CPNE8: variants seen among roughly 807,000 people sequenced by gnomAD.
CPNE8 encodes copine-8.
Under a neutral mutation model 81.5 loss-of-function variants are expected in CPNE8, and 45 were observed. That is an observed-to-expected ratio of 0.55 (90% CI 0.44 to 0.71). The LOEUF (loss-of-function observed/expected upper bound fraction) is 0.71, where lower values mean the gene tolerates loss of function less well. CPNE8 is among the 30% of genes least tolerant of loss of function. CPNE8 has a pLI of 0.00. For synonymous variants in CPNE8, 252 were observed against 226.3 expected (o/e 1.11, Z -1.02); for missense variants, 594 against 672.1 (o/e 0.88, Z 1.28).
chr12:38,905,809 G>A (rs774925967), upstream of CPNE8: 84 of 985,242 alleles, frequency 8.5e-5, no homozygotes, highest in Non-Finnish European at 9.8e-5. Context: ...GCAGCAGCCC[G>A]GGCGGGGGAC....
At position 38,653,924 on chromosome 12, in the gene CPNE8, G is replaced by C. The variant is rs143712670; in HGVS notation, c.1653C>G (p.Pro551=). The C allele has an allele frequency of 4.2e-4, 670 of 1,613,568 alleles. 3 individuals are homozygous for C. The highest frequency in any genetic ancestry group is 2.2e-3 in the Middle Eastern group (13 of 5,788). ...ACACATGTGTAGGTGGGGTGTATGG[G>C]GGAGGCGCAGGTGATGGCTTGATTC... The part of the protein sequence containing the change: ...ARGIKPSPAP[P]PYTPPTHVLQ... The change falls in exon 20 of 20, where the codon CCC becomes CCG. Residue 551 remains proline (P), a synonymous_variant. Coordinates refer to ENST00000331366, the MANE Select transcript of CPNE8 (RefSeq NM_153634.3).
At chr12:38,848,712 T>C in intron 3 of CPNE8, 50 bp from the exon 4 acceptor site, 1 of 1,529,038 alleles carries the variant, frequency 6.5e-7, no homozygotes, top group Admixed American at 2.3e-5. Flanking sequence ...CGGCTACTTA[T>C]TACAAGTATA....
intron 3 of CPNE8, among the ~76,000 whole-genome samples, chr12:38,864,177 A>G (rs1943883641): frequency 6.6e-6 from 1 of 152,188 alleles, no homozygotes; most frequent in Non-Finnish European, 1.5e-5. Context: ...GACAGATTCT[A>G]AAATTTCTGT....
At chr12:38,686,741 C>A (rs1279934426) in intron 15 of CPNE8, among the ~76,000 whole-genome samples, 1 of 152,168 alleles carries the variant, frequency 6.6e-6, no homozygotes. Flanking sequence ...CAAAAAGGCT[C>A]ACTTACATGG....
chr12:38,794,503 A>G (rs1942407491), intron 6 of CPNE8, among the ~76,000 whole-genome samples: 1 of 152,176 alleles, frequency 6.6e-6, no homozygotes, highest in Non-Finnish European at 1.5e-5. Context: ...GCACTTCAGT[A>G]AGCATTTTTC....
intron 10 of CPNE8, among the ~76,000 whole-genome samples, chr12:38,738,564 T>A (rs1455241911): frequency 1.3e-5 from 2 of 152,204 alleles, no homozygotes; most frequent in Non-Finnish European, 2.9e-5. Context: ...AAGACCATCC[T>A]ACCACTTTAG....
intron 4 of CPNE8, among the ~76,000 whole-genome samples, chr12:38,841,135 T>C (rs558517835): frequency 6.6e-6 from 1 of 152,266 alleles, no homozygotes; most frequent in East Asian, 1.9e-4. Context: ...CAAAGAATGT[T>C]TACCATAAAC....
chr12:38,829,771 C>T (rs541472470), intron 5 of CPNE8, among the ~76,000 whole-genome samples: 9 of 152,224 alleles, frequency 5.9e-5, no homozygotes, highest in Admixed American at 3.3e-4. Flanking sequence ...GGCTTAACTT[C>T]GGATGCCTCT....
At chr12:38,823,700 C>T (rs1020720814) in intron 6 of CPNE8, among the ~76,000 whole-genome samples, 7 of 152,062 alleles carry the variant, frequency 4.6e-5, no homozygotes, top group African/African-American at 1.7e-4. Context: ...ACAAATAGGC[C>T]TATTACTTGA....
At chr12:38,747,280 G>A (rs755961965) in intron 10 of CPNE8, among the ~76,000 whole-genome samples, 5 of 152,088 alleles carry the variant, frequency 3.3e-5, no homozygotes, top group Non-Finnish European at 7.4e-5. Flanking sequence ...ACACACAGGT[G>A]AAGTCTCTGC....
intron 3 of CPNE8, among the ~76,000 whole-genome samples, chr12:38,857,117 A>G (rs1041311207): frequency 1.3e-5 from 2 of 152,116 alleles, no homozygotes; most frequent in African/African-American, 2.4e-5. Context: ...ACAACCTTCA[A>G]ACTTTTCCTT....
intron 15 of CPNE8, among the ~76,000 whole-genome samples, chr12:38,686,797 G>T (rs1939544516): frequency 6.6e-6 from 1 of 152,148 alleles, no homozygotes; most frequent in Non-Finnish European, 1.5e-5. Context: ...CTGCTTGAGT[G>T]TTCTCATAAC....
At chr12:38,795,042 A>G (rs943097166) in intron 6 of CPNE8, among the ~76,000 whole-genome samples, 1 of 152,150 alleles carries the variant, frequency 6.6e-6, no homozygotes, top group African/African-American at 2.4e-5. Context: ...TGAGACCCCA[A>G]GTTCTTCAGC....
intron 15 of CPNE8, among the ~76,000 whole-genome samples, chr12:38,686,203 C>T (rs993707234): frequency 6.6e-6 from 1 of 151,878 alleles, no homozygotes; most frequent in Non-Finnish European, 1.5e-5. Flanking sequence ...TTGATAACTC[C>T]AAGTAGAGAA....
At chr12:38,818,136 AT>A (rs908543996) in intron 6 of CPNE8, among the ~76,000 whole-genome samples, 5 of 150,376 alleles carry the variant, frequency 3.3e-5, no homozygotes, top group East Asian at 2.0e-4. Flanking sequence ...ATAGTAACTG[AT>A]TTTTTTTTTA....
chr12:38,782,661 C>G (rs756155159), intron 6 of CPNE8, among the ~76,000 whole-genome samples: 93 of 151,500 alleles, frequency 6.1e-4, no homozygotes, highest in Non-Finnish European at 9.1e-4. Flanking sequence ...GAGTTCTGAA[C>G]TACATTTTTT....
intron 14 of CPNE8, among the ~76,000 whole-genome samples, chr12:38,699,101 G>T (rs1939868316): frequency 6.6e-6 from 1 of 152,148 alleles, no homozygotes; most frequent in South Asian, 2.1e-4. Flanking sequence ...AGCATGGCTG[G>T]TTTCTCTCTT....
chr12:38,858,009 T>A (rs1003568988), intron 3 of CPNE8, among the ~76,000 whole-genome samples: 1 of 152,238 alleles, frequency 6.6e-6, no homozygotes, highest in Non-Finnish European at 1.5e-5. Flanking sequence ...ACAAGTACAT[T>A]CTCTCTCTGA....
At chr12:38,849,059 TTCC>T (rs762569062) in intron 3 of CPNE8, among the ~76,000 whole-genome samples, 1 of 152,194 alleles carries the variant, frequency 6.6e-6, no homozygotes, top group Non-Finnish European at 1.5e-5. Context: ...ATTCATAACC[TTCC>T]TCCTCTTTTT....
Sources: allele counts gnomAD v4.1 joint callset (sites outside exome capture counted in the v4.1 genomes callset), GRCh38; gene constraint gnomAD v4.1.1; transcripts MANE v1.5; gene names NCBI Gene and HGNC (gene_info 2026-07-23, HGNC 2026-07-21).